Variants in PPP1R16A observed in about 807,000 individuals in gnomAD.
PPP1R16A encodes the protein protein phosphatase 1 regulatory subunit 16A, also known as myosin phosphatase-targeting subunit 3.
A neutral mutation model predicts 46.6 loss-of-function variants in PPP1R16A; 39 were observed. The ratio of observed to expected loss-of-function variants is 0.84; its 90% CI spans 0.65 to 1.09. PPP1R16A has a LOEUF of 1.09. Among genes scored for constraint, PPP1R16A ranks in the 50% least tolerant of loss-of-function variants. PPP1R16A has a pLI of 0.00. For missense variants in PPP1R16A, 798 were observed against 735.6 expected (o/e 1.08, Z -0.98); for synonymous variants, 413 against 321.5 (o/e 1.28, Z -3.04).
In PPP1R16A at chr8:144,501,962, C is replaced by T. The variant is rs1014714669; in HGVS notation, c.*59C>T. On this transcript the variant is annotated 3_prime_UTR_variant, in exon 12 of 12. Coordinates refer to ENST00000435887, the MANE Select transcript of PPP1R16A (RefSeq NM_001329443.2). Reference sequence around the variant, plus strand: ...GGCACAGCCCAAGGCTGCCTCCCCACGGTGCGTGCCCTGGTGCTGCGGGTG... The same window carrying T: ...GGCACAGCCCAAGGCTGCCTCCCCATGGTGCGTGCCCTGGTGCTGCGGGTG... 22 of 1,448,088 alleles carry T rather than the reference C, an allele frequency of 1.5e-5. No homozygotes were observed. The highest frequency in any genetic ancestry group is 9.9e-5 in the South Asian group (7 of 70,962). The allele number at this position is 1,448,088 out of a possible 1,614,324, so 89.7% of individuals were successfully genotyped here.
chr8:144,497,938 G>A, intron 3 of PPP1R16A: 2 of 420,380 alleles, frequency 4.8e-6, no homozygotes, highest in South Asian at 3.3e-5. Context: ...CCCTCTCAGT[G>A]CCTGCCCTAG....
Position 144,500,958 on chromosome 8 carries a change from G to T in PPP1R16A, c.1024G>T (p.Ala342Ser). ...CTTGCTGCGCCGCCGCACCTCCAGC[G>T]CCGGCAGCCGCGGGTGAGCGCCGCC... Reference protein sequence around the residue: ...RSLLRRRTSSAGSRGKVVRRV... With the variant: ...RSLLRRRTSSSGSRGKVVRRV... Residue 342 changes from alanine (A) to serine (S), a missense_variant, in exon 10 of 12, where the codon GCC becomes TCC. Coordinates refer to ENST00000435887, the MANE Select transcript of PPP1R16A (RefSeq NM_001329443.2). The T allele has an allele frequency of 6.8e-7, 1 of 1,478,072 alleles. No individual in the cohort carries two copies. Among genetic ancestry groups the T allele is most frequent in the Non-Finnish European group, 8.9e-7 (1 of 1,123,028 alleles). 91.6% of individuals were successfully genotyped at this position (1,478,072 alleles called of 1,614,324 possible). A position where few individuals can be genotyped will look rare whatever the true frequency, so the allele number is the denominator to read the frequency against.
intron 7 of PPP1R16A, 30 bp from the exon 8 acceptor site, chr8:144,500,457 G>A (rs1826365116): frequency 6.4e-7 from 1 of 1,552,854 alleles, no homozygotes; most frequent in Non-Finnish European, 8.6e-7. Flanking sequence ...GGGGGATGGG[G>A]CCGAATTCAG....
chr8:144,495,510 ATTGCAAG>A (rs2130426650), intron 2 of PPP1R16A: 1 of 152,216 alleles, frequency 6.6e-6, no homozygotes, highest in African/African-American at 2.4e-5. Flanking sequence ...ATCTTGGCTC[ATTGCAAG>A]CTCTGCCTCC....
chr8:144,489,378 CTGAGGGGGGTT>C (rs1825723535), intron 1 of PPP1R16A, among the ~76,000 whole-genome samples: 1 of 39,346 alleles, frequency 2.5e-5, no homozygotes, highest in African/African-American at 1.3e-4. Flanking sequence ...GGGGGTTGGT[CTGAGGGGGGTT>C]GGACTGGGAG....
chr8:144,497,692 C>T, intron 3 of PPP1R16A: 1 of 653,770 alleles, frequency 1.5e-6, no homozygotes, highest in Non-Finnish European at 2.8e-6. Context: ...GCGGGGGCTG[C>T]ATGCAGAGGG....
In PPP1R16A at chr8:144,501,596, G is replaced by C; in HGVS notation, c.1280G>C (p.Arg427Pro). ...GSPVRHLYSK[R>P]LDRSVSYQLS... ...CCAGTGCGGCATCTATACTCCAAGC[G>C]ACTAGACCGGAGTGTCTCCTACCAG... The change falls in exon 12 of 12, where the codon CGA becomes CCA. Residue 427 changes from arginine (R) to proline (P), a missense_variant. Arg to Pro is a moderately radical substitution (Grantham distance 103, BLOSUM62 -2). Coordinates refer to ENST00000435887, the MANE Select transcript of PPP1R16A (RefSeq NM_001329443.2). The C allele has an allele frequency of 1.2e-6, 2 of 1,607,046 alleles. No homozygotes were observed. The highest frequency in any genetic ancestry group is 1.7e-6 in the Non-Finnish European group (2 of 1,177,364).
chr8:144,498,267 G>A (rs1402314646), intron 3 of PPP1R16A: 5 of 359,252 alleles, frequency 1.4e-5, no homozygotes, highest in Non-Finnish European at 2.8e-5. Flanking sequence ...GAACCCTGGT[G>A]ACCTGGGCGA....
At position 144,478,028 on chromosome 8, in the gene PPP1R16A, GGT is replaced by G. The variant is rs1825244427; in HGVS notation, c.-1011_-1010del. 35 of 394,188 alleles carry G rather than the reference GGT, an allele frequency of 8.9e-5. No homozygotes were observed. In the Admixed American group the frequency reaches 1.6e-3, roughly 17 times the overall value. 24.4% of individuals were successfully genotyped at this position (394,188 alleles called of 1,614,324 possible). ...TGTAGCGTTGCCATGGCGAGGGCCG[GGT>G]GCGGGGCCCGCCCCCGCAGCGCCTC... is the stretch of plus-strand genomic sequence containing the variant. On this transcript the variant is annotated 5_prime_UTR_variant, in exon 1 of 12. The change creates a premature stop within an existing upstream ORF in the 5' untranslated region. Coordinates refer to ENST00000435887, the MANE Select transcript of PPP1R16A (RefSeq NM_001329443.2).
At position 144,497,453 on chromosome 8, in the gene PPP1R16A, G is replaced by T. The variant is rs781637549; in HGVS notation, c.259G>T (p.Val87Phe). Residue 87 changes from valine (V) to phenylalanine (F), a missense_variant and splice_region_variant, in exon 3 of 12, where the codon GTC becomes TTC. Transcript: ENST00000435887. ...CGCTGCCCGAAATGACCTGGAAGAA[G>T]GTGAGTGTGGCTGAGCCCAGAGCAG... Reference protein sequence around the residue: ...EAAARNDLEEVRQFLGSGVSP... With the variant: ...EAAARNDLEEFRQFLGSGVSP... The T allele has an allele frequency of 1.2e-6, 2 of 1,612,644 alleles. No homozygotes were observed. Among genetic ancestry groups the T allele is most frequent in the Non-Finnish European group, 1.7e-6 (2 of 1,180,020 alleles).
rs546399607 is a variant in PPP1R16A, at chr8:144,502,087, C to G, written c.*184C>G. The G allele has an allele frequency of 6.8e-6, 4 of 587,222 alleles. No individual in the cohort carries two copies. The highest frequency in any genetic ancestry group is 1.9e-5 in the African/African-American group (1 of 53,144). 36.4% of individuals were successfully genotyped at this position (587,222 alleles called of 1,614,324 possible). On this transcript the variant is annotated 3_prime_UTR_variant, in exon 12 of 12. Transcript: ENST00000435887. ...TCTGGCTGCAAAGACTATTTTTATC[C>G]TGCAACTCTTGATAAAGGGCTGTTT...
In PPP1R16A at chr8:144,497,188, C is replaced by T. The variant is rs541389775; in HGVS notation, c.-7C>T. The T allele has an allele frequency of 1.7e-5, 26 of 1,553,980 alleles. No individual in the cohort carries two copies. The highest frequency in any genetic ancestry group is 6.8e-5 in the African/African-American group (5 of 73,404). ...CCGAGCAGCCCTGTGGGCAAGCAGC[C>T]GCCGCCATGGCCGAGCACCTGGAGC... On this transcript the variant is annotated 5_prime_UTR_variant, in exon 3 of 12. Coordinates refer to ENST00000435887, the MANE Select transcript of PPP1R16A (RefSeq NM_001329443.2).
Position 144,496,973 on chromosome 8 carries a change from C to T in PPP1R16A, c.-222C>T, listed in dbSNP as rs534288036. The T allele has an allele frequency of 1.6e-6, 1 of 619,480 alleles. No individual in the cohort carries two copies. The highest frequency in any genetic ancestry group is 1.8e-5 in the African/African-American group (1 of 54,218). 38.4% of individuals were successfully genotyped at this position (619,480 alleles called of 1,614,324 possible). ...GGCCTGGGGAGCAGGTTTGGGGTGC[C>T]CTCCCACACTGCCCTCCCTGCCCCG... On this transcript the variant is annotated 5_prime_UTR_variant, in exon 3 of 12. Coordinates refer to ENST00000435887, the MANE Select transcript of PPP1R16A (RefSeq NM_001329443.2).
intron 5 of PPP1R16A, chr8:144,499,332 A>C (rs1035952531): frequency 1.4e-5 from 7 of 504,756 alleles, no homozygotes; most frequent in African/African-American, 1.1e-4. Flanking sequence ...TGCACAGAGA[A>C]ATGTCTTGGT....
intron 3 of PPP1R16A, chr8:144,498,475 T>TGG (rs1468410713): frequency 2.3e-6 from 1 of 431,056 alleles, no homozygotes; most frequent in African/African-American, 2.0e-5. Flanking sequence ...GAGGGAGGTG[T>TGG]GGGATTGTTG....
At chr8:144,480,004 A>G (rs1825339300) in intron 1 of PPP1R16A, among the ~76,000 whole-genome samples, 1 of 152,210 alleles carries the variant, frequency 6.6e-6, no homozygotes, top group Admixed American at 6.5e-5. Flanking sequence ...AGTTCTTAGG[A>G]TGCAACAGGG....
chr8:144,494,767 G>GGA (rs1440962641), intron 2 of PPP1R16A, among the ~76,000 whole-genome samples: 1 of 152,122 alleles, frequency 6.6e-6, no homozygotes, highest in African/African-American at 2.4e-5. Context: ...AGAAAGGTGA[G>GGA]GATCTCCTCT....
intron 3 of PPP1R16A, chr8:144,497,998 C>T: frequency 2.2e-6 from 1 of 455,468 alleles, no homozygotes; most frequent in Non-Finnish European, 4.4e-6. Context: ...GCTTGCAGCC[C>T]CAGCTGTGTG....
chr8:144,498,670 C>A, intron 3 of PPP1R16A, 100 bp from the exon 4 acceptor site: 3 of 1,213,970 alleles, frequency 2.5e-6, no homozygotes, highest in Non-Finnish European at 3.4e-6. Context: ...CCATCGGCAC[C>A]ACTGTCTTCC....
Sources: allele counts gnomAD v4.1 joint callset (sites outside exome capture counted in the v4.1 genomes callset), GRCh38; gene constraint gnomAD v4.1.1; transcripts MANE v1.5; gene names NCBI Gene and HGNC (gene_info 2026-07-23, HGNC 2026-07-21).